Variants in PIK3CD observed in about 807,000 individuals in gnomAD.
The protein encoded by PIK3CD is phosphatidylinositol 4,5-bisphosphate 3-kinase catalytic subunit delta isoform.
In PIK3CD, 20 loss-of-function variants were observed where a neutral mutation model predicts 122.9. That is an observed-to-expected ratio of 0.16 (90% CI 0.11 to 0.24). The LOEUF (loss-of-function observed/expected upper bound fraction) is 0.24. PIK3CD is among the 10% of genes least tolerant of loss of function. The pLI, the probability that PIK3CD is intolerant of heterozygous loss-of-function variation, is 1.00. For synonymous variants in PIK3CD, 596 were observed against 593.4 expected, an observed-to-expected ratio of 1.00 and a Z score of -0.06; for missense variants, 787 against 1,406.3, an observed-to-expected ratio of 0.56 and a Z score of 7.04.
At chr1:9,671,241 AG>A (rs1331521910) in intron 1 of PIK3CD, among the ~76,000 whole-genome samples, 7 of 152,110 alleles carry the variant, frequency 4.6e-5, no homozygotes, top group African/African-American at 1.7e-4. Flanking sequence ...CCAAGAGTAC[AG>A]GTTCATGCCA....
chr1:9,703,532 C>T (rs1646725297), intron 2 of PIK3CD, among the ~76,000 whole-genome samples: 2 of 152,212 alleles, frequency 1.3e-5, no homozygotes, highest in Non-Finnish European at 2.9e-5. Context: ...CCTGGGGTAA[C>T]CCCTATTTCT....
At position 9,685,673 on chromosome 1, in the gene PIK3CD, T is replaced by C. The variant is rs548426987; in HGVS notation, c.-137-5794T>C. Among the ~76,000 whole-genome samples the C allele has an allele frequency of 1.5e-3, 230 of 152,230 alleles. 1 individual carries two copies. Among genetic ancestry groups the C allele is most frequent in the African/African-American group, 5.2e-3 (218 of 41,534 alleles). ...TGCGCCCAGCAGTTATAATTAAAAA[T>C]TTTTTAAAGAGATGAGTATCTCACT... On this transcript the variant is annotated intron_variant, in intron 1 of 23. Coordinates refer to ENST00000377346, the MANE Select transcript of PIK3CD (RefSeq NM_005026.5).
At position 9,715,238 on chromosome 1, in the gene PIK3CD, G is replaced by A. The variant is rs1049853840; in HGVS notation, c.142-303G>A. ...TTAGCTGGGCTGCATGAAGGTCATG[G>A]CCCCCCGTCTCTGGAGTGACCTAGG... is the stretch of plus-strand genomic sequence containing the variant. On this transcript the variant is annotated intron_variant, in intron 3 of 23. Transcript: ENST00000377346. The surrounding 1 kb of genome is among the most constrained non-coding windows in gnomAD (Gnocchi z 4.1). 6.6e-6 allele frequency among the ~76,000 whole-genome samples: 1 copy of A among 152,158 alleles called. No homozygotes were observed. Among genetic ancestry groups the A allele is most frequent in the African/African-American group, 2.4e-5 (1 of 41,430 alleles).
At chr1:9,649,256 A>G (rs1391434534), upstream of PIK3CD, among the ~76,000 whole-genome samples, 2 of 151,458 alleles carry the variant, frequency 1.3e-5, no homozygotes, top group Admixed American at 1.3e-4. Context: ...TTCAAAGCAG[A>G]ATCTCACTCC....
At chr1:9,716,395 C>CG in intron 5 of PIK3CD, 45 bp from the exon 6 acceptor site, 3 of 1,597,440 alleles carry the variant, frequency 1.9e-6, no homozygotes, top group Non-Finnish European at 2.6e-6. Context: ...CCCAGAACCC[C>CG]GGGGGGCCTC....
chr1:9,658,741 G>T (rs1644931318), intron 1 of PIK3CD, among the ~76,000 whole-genome samples: 1 of 152,122 alleles, frequency 6.6e-6, no homozygotes, highest in Middle Eastern at 3.4e-3. Context: ...TATTGGCCAG[G>T]CTGGTCTCAA....
At chr1:9,694,571 A>G (rs1389029047) in intron 2 of PIK3CD, among the ~76,000 whole-genome samples, 2 of 152,146 alleles carry the variant, frequency 1.3e-5, no homozygotes, top group African/African-American at 4.8e-5. Context: ...GTCATTTCAC[A>G]CTGAAGCCTA....
At chr1:9,666,303 C>A (rs954612934) in intron 1 of PIK3CD, among the ~76,000 whole-genome samples, 2 of 123,464 alleles carry the variant, frequency 1.6e-5, no homozygotes, top group Admixed American at 2.1e-4. Flanking sequence ...TACAGTGGTG[C>A]AATCTCGGCT....
In PIK3CD at chr1:9,727,502, C is replaced by T; in HGVS notation, c.*456C>T. ...TCCTCCCTAGACTGAGTTCTGGCAGCTCCCCGAGGCAGCCGGGGTACCCTC... is the reference window on the plus strand; with the variant it reads ...TCCTCCCTAGACTGAGTTCTGGCAGTTCCCCGAGGCAGCCGGGGTACCCTC... On this transcript the variant is annotated 3_prime_UTR_variant, in exon 24 of 24. Coordinates refer to ENST00000377346, the MANE Select transcript of PIK3CD (RefSeq NM_005026.5). The T allele has an allele frequency of 7.6e-6, 2 of 264,430 alleles. No homozygotes were observed. Among genetic ancestry groups the T allele is most frequent in the Non-Finnish European group, 1.5e-5 (2 of 134,286 alleles). 16.4% of individuals were successfully genotyped at this position (264,430 alleles called of 1,614,324 possible).
Position 9,700,159 on chromosome 1 carries a change from G to A in PIK3CD, c.-33+8588G>A, listed in dbSNP as rs1329079323. The stretch of plus-strand genomic sequence containing the variant: ...TTTATTTATTGATTTTTGAGACAGA[G>A]TCTCACTCTTGCCCAGGCTGGAATG... On this transcript the variant is annotated intron_variant, in intron 2 of 23. Transcript: ENST00000377346. This position sits in a 1 kb window ranked among gnomAD's most constrained non-coding sequence, Gnocchi z 5.1. Among the ~76,000 whole-genome samples, 3 of 152,188 alleles carry A rather than the reference G, an allele frequency of 2.0e-5. No homozygotes were observed. The East Asian group carries it at 5.8e-4, about 29-fold the overall frequency.
chr1:9,649,647 T>C (rs1644638222), upstream of PIK3CD, among the ~76,000 whole-genome samples: 1 of 152,254 alleles, frequency 6.6e-6, no homozygotes, highest in Non-Finnish European at 1.5e-5. Flanking sequence ...ATCCCTCATC[T>C]GTCCAAGGGA....
chr1:9,682,976 G>C (rs1387020405), intron 1 of PIK3CD, among the ~76,000 whole-genome samples: 1 of 151,710 alleles, frequency 6.6e-6, no homozygotes, highest in Non-Finnish European at 1.5e-5. Flanking sequence ...CATCATAGGG[G>C]TGACCCAGTG....
chr1:9,630,079 G>A, the PIK3CD span, among the ~76,000 whole-genome samples: 4 of 152,210 alleles, frequency 2.6e-5, no homozygotes, highest in East Asian at 1.9e-4. Flanking sequence ...GCTGGCCCAC[G>A]GGGGGAGCAG....
rs964481731 is a variant in PIK3CD at position 9,672,468 on chromosome 1, T to C, written c.-137-18999T>C. 3 of 152,032 alleles carry C rather than the reference T, an allele frequency of 2.0e-5. No homozygotes were observed. The East Asian group carries it at 5.8e-4, about 29-fold the overall frequency. The allele number at this position is 152,032 out of a possible 1,614,324, so 9.4% of individuals were successfully genotyped here. ...TTTAGAGACAGGGTCTAGCTCTGTC[T>C]CCTAGGCTGGACTGCAGTGGTGCCA... is the stretch of plus-strand genomic sequence containing the variant. On this transcript the variant is annotated intron_variant, in intron 1 of 23. Coordinates refer to ENST00000377346, the MANE Select transcript of PIK3CD (RefSeq NM_005026.5).
rs143521812 is a variant in PIK3CD at position 9,718,781 on chromosome 1, G to C, written c.1108G>C (p.Val370Leu). ...SSEVSVCSEP[V>L]WKQRLEFDIN... is the part of the protein sequence containing the mutation. ...GGAGGTGAGCGTGTGCTCGGAGCCC[G>C]TGTGGAAGCAGCGGCTGGAGTTCGA... Residue 370 changes from valine (V) to leucine (L), a missense_variant, in exon 9 of 24, where the codon GTG becomes CTG. By Grantham distance (32) the Val-to-Leu change is conservative. Transcript: ENST00000377346. This position sits in a 1 kb window ranked among gnomAD's most constrained non-coding sequence, Gnocchi z 7.2. The C allele has an allele frequency of 1.2e-6, 2 of 1,611,392 alleles. No individual in the cohort carries two copies. Among genetic ancestry groups the C allele is most frequent in the South Asian group, 2.2e-5 (2 of 91,068 alleles).
the PIK3CD span, among the ~76,000 whole-genome samples, chr1:9,642,510 G>A: frequency 1.3e-4 from 19 of 149,740 alleles, no homozygotes; most frequent in Non-Finnish European, 2.7e-4. Context: ...GAGGTCAGGA[G>A]ATCGAGACCA....
chr1:9,647,088 G>A (rs1034382201), upstream of PIK3CD, among the ~76,000 whole-genome samples: 1 of 151,714 alleles, frequency 6.6e-6, no homozygotes, highest in Non-Finnish European at 1.5e-5. Flanking sequence ...TCCAGCCTTG[G>A]TTACAAAAGT....
chr1:9,680,837 A>G (rs1645718910), intron 1 of PIK3CD: 1 of 152,224 alleles, frequency 6.6e-6, no homozygotes, highest in Admixed American at 6.5e-5. Context: ...TCACGCCAAC[A>G]CTTGGCAGAC....
Position 9,704,890 on chromosome 1 carries a change from G to T in PIK3CD, c.-32-5534G>T, listed in dbSNP as rs1483636892. Among the ~76,000 whole-genome samples, 3 of 152,202 alleles carry T rather than the reference G, an allele frequency of 2.0e-5. No homozygotes were observed. Among genetic ancestry groups the T allele is most frequent in the African/African-American group, 7.2e-5 (3 of 41,464 alleles). On this transcript the variant is annotated intron_variant, in intron 2 of 23. Transcript: ENST00000377346. This position sits in a 1 kb window ranked among gnomAD's most constrained non-coding sequence, Gnocchi z 5.0. ...CAAGAGGAACCCAAAGTAGGATGTG[G>T]TTTTGCAATTGGAGGAAGTGGCGAC...
Sources: gnomAD v4.1 joint callset for allele counts (sites outside exome capture counted in the v4.1 genomes callset) on GRCh38, gnomAD v4.1.1 for gene constraint, Gnocchi (gnomAD v3.1) non-coding constraint, MANE v1.5 for transcripts, NCBI Gene and HGNC (gene_info 2026-07-23, HGNC 2026-07-21) for gene names.